The following CA8 variants were observed in gnomAD, a reference collection of about 807,000 sequenced individuals.
CA8 encodes carbonic anhydrase-related protein.
CA8 carries 22 observed loss-of-function variants against 41.4 expected under a neutral mutation model. The ratio of observed to expected loss-of-function variants is 0.53; its 90% CI spans 0.38 to 0.76. The LOEUF (loss-of-function observed/expected upper bound fraction) is 0.76, where lower values mean the gene tolerates loss of function less well. CA8 is among the 30% of genes least tolerant of loss of function. The pLI is 0.00. For synonymous variants in CA8, 121 were observed against 130.6 expected, an observed-to-expected ratio of 0.93 and a Z score of 0.50; for missense variants, 270 against 352.8, an observed-to-expected ratio of 0.77 and a Z score of 1.88.
At chr8:60,251,804 G>T (rs1327387533) in intron 3 of CA8, among the ~76,000 whole-genome samples, 6 of 152,156 alleles carry the variant, frequency 3.9e-5, no homozygotes, top group Non-Finnish European at 8.8e-5. Context: ...TGAAATTAGA[G>T]TAGGGCAATC....
intron 8 of CA8, among the ~76,000 whole-genome samples, chr8:60,197,621 C>T (rs1158208578): frequency 6.6e-6 from 1 of 152,162 alleles, no homozygotes; most frequent in Non-Finnish European, 1.5e-5. Context: ...CTCCACTGTG[C>T]TCCAGGGCCT....
At chr8:60,236,029 T>C (rs144180736) in intron 3 of CA8, among the ~76,000 whole-genome samples, 1 of 152,288 alleles carries the variant, frequency 6.6e-6, no homozygotes, top group African/African-American at 2.4e-5. Flanking sequence ...CAGTTAATTT[T>C]ATGTGTCAGC....
intron 7 of CA8, among the ~76,000 whole-genome samples, chr8:60,221,241 T>A (rs1326309256): frequency 6.6e-6 from 1 of 152,344 alleles, no homozygotes; most frequent in South Asian, 2.1e-4. Context: ...CCTCTTGGAC[T>A]GGGTTGGGTT....
At chr8:60,221,360 A>C (rs1807240055) in intron 7 of CA8, among the ~76,000 whole-genome samples, 1 of 152,198 alleles carries the variant, frequency 6.6e-6, no homozygotes, top group Non-Finnish European at 1.5e-5. Context: ...CTGTGTTTTA[A>C]TCTTGTTATC....
At chr8:60,274,719 A>G (rs1295602834) in intron 2 of CA8, among the ~76,000 whole-genome samples, 2 of 152,184 alleles carry the variant, frequency 1.3e-5, no homozygotes, top group Non-Finnish European at 2.9e-5. Flanking sequence ...AGCCCTCACC[A>G]GACACCAAAT....
At chr8:60,272,389 C>CA (rs34254518) in intron 2 of CA8, among the ~76,000 whole-genome samples, 34,487 of 143,718 alleles carry the variant, frequency 0.24, 4,407 homozygotes, top group Non-Finnish European at 0.32. Flanking sequence ...CTTTATCCTA[C>CA]AAAAAAAAAA....
intron 8 of CA8, among the ~76,000 whole-genome samples, chr8:60,203,666 C>T (rs1440089436): frequency 6.6e-6 from 1 of 151,990 alleles, no homozygotes; most frequent in Non-Finnish European, 1.5e-5. Flanking sequence ...TTATTCAATG[C>T]TTTTTTAAAA....
intron 7 of CA8, among the ~76,000 whole-genome samples, chr8:60,214,911 T>G (rs11994656): frequency 0.37 from 55,593 of 151,752 alleles, 10,591 homozygotes; most frequent in Admixed American, 0.44. Flanking sequence ...TTATTTTAAG[T>G]TGAAAGAGAC....
intron 3 of CA8, among the ~76,000 whole-genome samples, chr8:60,252,712 A>G (rs1489630580): frequency 6.6e-6 from 1 of 152,158 alleles, no homozygotes; most frequent in Admixed American, 6.5e-5. Flanking sequence ...TCCAGTGAGC[A>G]TTTCTTTTGA....
chr8:60,268,754 C>A (rs1308610659), intron 2 of CA8, among the ~76,000 whole-genome samples: 5 of 152,102 alleles, frequency 3.3e-5, no homozygotes, highest in Admixed American at 1.3e-4. Context: ...GTAGATCTTA[C>A]ATTCTATTAT....
At chr8:60,260,792 C>T (rs1563376512) in intron 3 of CA8, among the ~76,000 whole-genome samples, 1 of 152,162 alleles carries the variant, frequency 6.6e-6, no homozygotes, top group African/African-American at 2.4e-5. Flanking sequence ...TAAAGTCATC[C>T]CATTACATCT....
In CA8 at chr8:60,187,636, T is replaced by C. The variant is rs1439517791; in HGVS notation, c.*2385A>G. 3 of 152,148 alleles carry C rather than the reference T, an allele frequency of 2.0e-5. No homozygotes were observed. The highest frequency in any genetic ancestry group is 7.2e-5 in the African/African-American group (3 of 41,444). The allele number at this position is 152,148 out of a possible 1,614,324, so 9.4% of individuals were successfully genotyped here. A position where few individuals can be genotyped will look rare whatever the true frequency, so the allele number is the denominator to read the frequency against. Reference sequence around the variant, plus strand: ...AAGAGTAAACTCAAATTATCTTAATTGGCAAACCTTCTGACAACAGTATTA... The same window carrying C: ...AAGAGTAAACTCAAATTATCTTAATCGGCAAACCTTCTGACAACAGTATTA... On this transcript the variant is annotated 3_prime_UTR_variant, in exon 9 of 9. Coordinates refer to ENST00000317995, the MANE Select transcript of CA8 (RefSeq NM_004056.6).
At chr8:60,229,244 C>A (rs185779859) in intron 4 of CA8, among the ~76,000 whole-genome samples, 2 of 151,880 alleles carry the variant, frequency 1.3e-5, no homozygotes, top group Admixed American at 6.5e-5. Flanking sequence ...TGCATTTCTG[C>A]CAACATCTCC....
At position 60,199,911 on chromosome 8, in the gene CA8, A is replaced by G. The variant is rs147641970; in HGVS notation, c.*35+8839T>C. 5.5e-3 allele frequency among the ~76,000 whole-genome samples: 845 copies of G among 152,318 alleles called. 4 individuals carry two copies. Among genetic ancestry groups the G allele is most frequent in the Middle Eastern group, 0.017 (5 of 294 alleles). On this transcript the variant is annotated intron_variant, in intron 8 of 8. Coordinates refer to ENST00000317995, the MANE Select transcript of CA8 (RefSeq NM_004056.6). Reference sequence around the variant, plus strand: ...TGTTTCTAGTATATTCTTGTTAAAAATATTTTTAAATAGCATGTTTCTCAC... The same window carrying G: ...TGTTTCTAGTATATTCTTGTTAAAAGTATTTTTAAATAGCATGTTTCTCAC...
intron 7 of CA8, among the ~76,000 whole-genome samples, chr8:60,215,383 A>ACACACC (rs1157474408): frequency 1.9e-4 from 27 of 144,262 alleles, no homozygotes; most frequent in Admixed American, 1.4e-4. Context: ...ACACACACAC[A>ACACACC]CCGGATCCCC....
intron 3 of CA8, among the ~76,000 whole-genome samples, chr8:60,237,050 T>G (rs1047508490): frequency 2.0e-4 from 31 of 152,184 alleles, no homozygotes; most frequent in African/African-American, 7.2e-4. Flanking sequence ...GTCTGGTCTA[T>G]GGAGAGGGCA....
At chr8:60,224,750 T>C (rs377119029) in intron 5 of CA8, among the ~76,000 whole-genome samples, 165 bp from the exon 6 acceptor site, 7 of 152,118 alleles carry the variant, frequency 4.6e-5, no homozygotes, top group African/African-American at 1.7e-4. Flanking sequence ...TGGAGTAACA[T>C]TGTCTGGTTC....
chr8:60,188,865 A>C lies in CA8; in HGVS notation c.*1156T>G, dbSNP rs993403738. ...CTACTCAACACATCTAAAAACTCTGAACATATACTTATTCCACCTGTCTTC... is the reference window on the plus strand; with the variant it reads ...CTACTCAACACATCTAAAAACTCTGCACATATACTTATTCCACCTGTCTTC... On this transcript the variant is annotated 3_prime_UTR_variant, in exon 9 of 9. Transcript: ENST00000317995. 6.6e-6 allele frequency: 1 copy of C among 152,180 alleles called. No homozygotes were observed. The highest frequency in any genetic ancestry group is 2.4e-5 in the African/African-American group (1 of 41,438). 9.4% of individuals were successfully genotyped at this position (152,180 alleles called of 1,614,324 possible).
At chr8:60,257,006 A>G (rs1054588191) in intron 3 of CA8, among the ~76,000 whole-genome samples, 6 of 151,834 alleles carry the variant, frequency 4.0e-5, no homozygotes, top group African/African-American at 1.5e-4. Flanking sequence ...TGAGACACAG[A>G]GTCTTGCTCT....
Sources: allele counts gnomAD v4.1 joint callset (sites outside exome capture counted in the v4.1 genomes callset), GRCh38; gene constraint gnomAD v4.1.1; transcripts MANE v1.5; gene names NCBI Gene and HGNC (gene_info 2026-07-23, HGNC 2026-07-21).